AGMO: variants seen among roughly 807,000 people sequenced by gnomAD.
AGMO encodes alkylglycerol monooxygenase, also known as glyceryl-ether monooxygenase.
In AGMO, 75 loss-of-function variants were observed where a neutral mutation model predicts 60.2. The observed-to-expected ratio is 1.25, with a 90% CI of 1.03 to 1.51. AGMO has a LOEUF of 1.51. Ranked by LOEUF, AGMO falls within the 40% of genes most tolerant of loss-of-function variation. The probability of loss-of-function intolerance (pLI) is 0.00; values close to 1 mark genes in which losing one functional copy is unlikely to be tolerated. For synonymous variants in AGMO, 261 were observed against 177.1 expected, an observed-to-expected ratio of 1.47 and a Z score of -3.76; for missense variants, 763 against 525.5, an observed-to-expected ratio of 1.45 and a Z score of -4.42.
intron 12 of AGMO, among the ~76,000 whole-genome samples, chr7:15,365,088 G>A (rs1782918851): frequency 6.6e-6 from 1 of 151,864 alleles, no homozygotes; most frequent in Non-Finnish European, 1.5e-5. Flanking sequence ...TATTTCTGTA[G>A]AATGATTACT....
At chr7:15,514,731 C>T (rs2217866) in intron 3 of AGMO, among the ~76,000 whole-genome samples, 127,690 of 152,172 alleles carry the variant, frequency 0.84, 54,103 homozygotes, top group East Asian at 0.97. Context: ...TAGTAGTATA[C>T]TTTGCATGAA....
At chr7:15,346,775 T>C (rs1445979219) in intron 12 of AGMO, among the ~76,000 whole-genome samples, 1 of 151,934 alleles carries the variant, frequency 6.6e-6, no homozygotes, top group Non-Finnish European at 1.5e-5. Context: ...GTGCAGAATA[T>C]AAGCAAAAAA....
chr7:15,169,466 G>A, the AGMO span, among the ~76,000 whole-genome samples: 1 of 150,892 alleles, frequency 6.6e-6, no homozygotes, highest in Non-Finnish European at 1.5e-5. Flanking sequence ...AGACAGTCTC[G>A]CTCTGTCACC....
rs145937788 is a variant in AGMO at position 15,421,385 on chromosome 7, C to T, written c.514-2732G>A. Among the ~76,000 whole-genome samples, 318 of 152,190 alleles carry T rather than the reference C, an allele frequency of 2.1e-3. 1 individual carries two copies. The highest frequency in any genetic ancestry group is 7.1e-3 in the African/African-American group (294 of 41,546). The stretch of plus-strand genomic sequence containing the variant: ...GCTAAACCAGAGAAGGGAGCCATTT[C>T]AAGAAGCTTGGGCATAAGGAAACAA... On this transcript the variant is annotated intron_variant, in intron 4 of 12. Coordinates refer to ENST00000342526, the MANE Select transcript of AGMO (RefSeq NM_001004320.2).
At chr7:15,548,016 C>T (rs1338512860) in intron 2 of AGMO, among the ~76,000 whole-genome samples, 2 of 146,628 alleles carry the variant, frequency 1.4e-5, no homozygotes, top group South Asian at 2.1e-4. Flanking sequence ...CCCCTGACAC[C>T]GGAGCAGCCT....
At chr7:15,524,761 C>G (rs1784080062) in intron 3 of AGMO, among the ~76,000 whole-genome samples, 2 of 151,178 alleles carry the variant, frequency 1.3e-5, no homozygotes, top group African/African-American at 2.4e-5. Context: ...ACATGGGAGG[C>G]TGAGGCAGGA....
intron 3 of AGMO, among the ~76,000 whole-genome samples, chr7:15,523,829 A>T (rs1225730284): frequency 1.3e-5 from 2 of 152,124 alleles, no homozygotes; most frequent in Non-Finnish European, 2.9e-5. Context: ...GAACTTAAGT[A>T]TAATAATAAT....
At chr7:15,239,335 C>A (rs1376626801) in intron 12 of AGMO, among the ~76,000 whole-genome samples, 1 of 152,090 alleles carries the variant, frequency 6.6e-6, no homozygotes, top group Non-Finnish European at 1.5e-5. Context: ...TACAAAGTGT[C>A]TGCTAATGAG....
the AGMO span, among the ~76,000 whole-genome samples, chr7:15,135,241 G>C: frequency 6.6e-6 from 1 of 151,552 alleles, no homozygotes; most frequent in Non-Finnish European, 1.5e-5. Context: ...CTACCAATCT[G>C]ATAGCTAAGA....
intron 5 of AGMO, among the ~76,000 whole-genome samples, chr7:15,403,166 C>A (rs1178535386): frequency 1.3e-5 from 2 of 151,894 alleles, no homozygotes; most frequent in East Asian, 1.9e-4. Flanking sequence ...ATAATTGGCA[C>A]AAGCATTGTC....
At chr7:15,149,743 G>T in the AGMO span, among the ~76,000 whole-genome samples, 1 of 152,080 alleles carries the variant, frequency 6.6e-6, no homozygotes, top group Non-Finnish European at 1.5e-5. Flanking sequence ...GAGACAGGTA[G>T]TGTCATGCCT....
chr7:15,152,378 G>A, the AGMO span, among the ~76,000 whole-genome samples: 1 of 152,018 alleles, frequency 6.6e-6, no homozygotes, highest in Non-Finnish European at 1.5e-5. Flanking sequence ...ATAAGTTTTT[G>A]GGGAACAAGT....
intron 5 of AGMO, among the ~76,000 whole-genome samples, chr7:15,400,781 T>G (rs1002250296): frequency 1.2e-4 from 19 of 152,134 alleles, no homozygotes; most frequent in Admixed American, 2.0e-4. Context: ...AACTGGATAA[T>G]AAGGTGATTA....
intron 2 of AGMO, among the ~76,000 whole-genome samples, chr7:15,554,329 T>C (rs1270937129): frequency 6.6e-6 from 1 of 152,090 alleles, no homozygotes; most frequent in East Asian, 1.9e-4. Flanking sequence ...AAGCTTACTT[T>C]ATCACATGAA....
At chr7:15,167,721 A>T in the AGMO span, among the ~76,000 whole-genome samples, 1 of 152,170 alleles carries the variant, frequency 6.6e-6, no homozygotes, top group African/African-American at 2.4e-5. Context: ...AGACATTTAC[A>T]CCTATCAGTG....
At chr7:15,263,436 T>C (rs1783336885) in intron 12 of AGMO, among the ~76,000 whole-genome samples, 2 of 151,760 alleles carry the variant, frequency 1.3e-5, no homozygotes, top group African/African-American at 4.8e-5. Flanking sequence ...TTGGCATAGA[T>C]GTGGTAAAAA....
intron 12 of AGMO, among the ~76,000 whole-genome samples, chr7:15,290,264 T>C (rs1784224829): frequency 6.6e-6 from 1 of 152,122 alleles, no homozygotes; most frequent in Non-Finnish European, 1.5e-5. Flanking sequence ...CCTCACCTCG[T>C]GATCTGCCTG....
In AGMO at chr7:15,544,654, C is replaced by T. The variant is rs192538110; in HGVS notation, c.409+118G>A. 149 of 876,290 alleles carry T rather than the reference C, an allele frequency of 1.7e-4. 1 individual carries two copies. The highest frequency in any genetic ancestry group is 7.0e-4 in the African/African-American group (40 of 57,062). 54.3% of individuals were successfully genotyped at this position (876,290 alleles called of 1,614,324 possible). ...AACCTTCATTATTAATTTTTATATC[C>T]GTAAAATATACTATTTTATTCCTGT... On this transcript the variant is annotated intron_variant, in intron 3 of 12. Coordinates refer to ENST00000342526, the MANE Select transcript of AGMO (RefSeq NM_001004320.2).
chr7:15,559,687 T>G (rs983714006), intron 2 of AGMO, among the ~76,000 whole-genome samples: 1 of 152,066 alleles, frequency 6.6e-6, no homozygotes, highest in African/African-American at 2.4e-5. Context: ...TCCACTGGAT[T>G]CATATTATGG....
Sources: allele counts gnomAD v4.1 joint callset (sites outside exome capture counted in the v4.1 genomes callset), GRCh38; gene constraint gnomAD v4.1.1; transcripts MANE v1.5; gene names NCBI Gene and HGNC (gene_info 2026-07-23, HGNC 2026-07-21).